Variants in BIRC6 observed in about 807,000 individuals in gnomAD.
The protein encoded by BIRC6 is dual E2 ubiquitin-conjugating enzyme/E3 ubiquitin-protein ligase BIRC6.
A neutral mutation model predicts 503.3 loss-of-function variants in BIRC6; 98 were observed. That is an observed-to-expected ratio of 0.19 (90% CI 0.17 to 0.23). The LOEUF (loss-of-function observed/expected upper bound fraction) is 0.23, where lower values mean the gene tolerates loss of function less well. Among genes scored for constraint, BIRC6 ranks in the 10% least tolerant of loss-of-function variants. The pLI is 1.00. For missense variants in BIRC6, 5,360 were observed against 5,806.0 expected, an observed-to-expected ratio of 0.92 and a Z score of 2.50; for synonymous variants, 2,240 against 2,078.7, an observed-to-expected ratio of 1.08 and a Z score of -2.11.
chr2:32,468,303 A>T, intron 28 of BIRC6, 134 bp from the exon 29 acceptor site: 1 of 948,540 alleles, frequency 1.1e-6, no homozygotes, highest in Non-Finnish European at 1.5e-6. Flanking sequence ...TCCATTTATT[A>T]GTACCTATCA....
chr2:32,373,733 T>A (rs896688685), intron 1 of BIRC6, among the ~76,000 whole-genome samples: 3 of 152,192 alleles, frequency 2.0e-5, no homozygotes, highest in African/African-American at 7.2e-5. Context: ...CTGTTCTGTT[T>A]CTGGGTGTGT....
At chr2:32,610,408 C>T (rs1167276762) in intron 72 of BIRC6, among the ~76,000 whole-genome samples, 1 of 152,142 alleles carries the variant, frequency 6.6e-6, no homozygotes, top group African/African-American at 2.4e-5. Flanking sequence ...ATGTAAATCA[C>T]AGTAATAATA....
intron 53 of BIRC6, among the ~76,000 whole-genome samples, chr2:32,512,338 G>A (rs913910244): frequency 1.3e-5 from 2 of 152,104 alleles, no homozygotes; most frequent in African/African-American, 2.4e-5. Flanking sequence ...AAAGTCTTTC[G>A]CTCCCAGGTT....
Position 32,415,541 on chromosome 2 carries a change from G to A in BIRC6, c.2250G>A (p.Arg750=), listed in dbSNP as rs1254867254. The part of the protein sequence containing the change: ...ADGIHLLVGL[R]TCPVESLSAI... ...GAATTCATTTGTTGGTAGGACTGCG[G>A]ACATGCCCTGTTGAATCCTTGAGTG... The change falls in exon 10 of 74, where the codon CGG becomes CGA. Residue 750 remains arginine, a synonymous_variant. Coordinates refer to ENST00000421745, the MANE Select transcript of BIRC6 (RefSeq NM_016252.4). 3 of 1,614,018 alleles carry A rather than the reference G, an allele frequency of 1.9e-6. No homozygotes were observed. The highest frequency in any genetic ancestry group is 4.5e-5 in the East Asian group (2 of 44,890).
chr2:32,380,426 A>C (rs2037454207), intron 3 of BIRC6, 136 bp downstream of exon 3: 1 of 1,232,714 alleles, frequency 8.1e-7, no homozygotes, highest in Non-Finnish European at 1.1e-6. Context: ...TGTGCTTATA[A>C]GTCATCTTAA....
intron 52 of BIRC6, 54 bp from the exon 53 acceptor site, chr2:32,510,472 C>G: frequency 9.8e-7 from 1 of 1,019,266 alleles, no homozygotes; most frequent in Non-Finnish European, 1.5e-6. Flanking sequence ...GTAAATCTTC[C>G]CATGGTTAAC....
rs2049898206 is a variant in BIRC6 at position 32,477,491 on chromosome 2, G to A, written c.6976G>A (p.Glu2326Lys). 2 of 1,613,986 alleles carry A rather than the reference G, an allele frequency of 1.2e-6. No homozygotes were observed. Among genetic ancestry groups the A allele is most frequent in the South Asian group, 2.2e-5 (2 of 91,076 alleles). Residue 2326 changes from glutamate (E) to lysine (K), a missense_variant, in exon 35 of 74, where the codon GAG becomes AAG. By Grantham distance (56) the Glu-to-Lys change is moderately conservative. Coordinates refer to ENST00000421745, the MANE Select transcript of BIRC6 (RefSeq NM_016252.4). The part of the protein sequence containing the change: ...IEPLPFTLAH[E>K]RCISVVQKLV... Reference sequence around the variant, plus strand: ...ACCACTTCCATTTACTCTGGCCCATGAGCGTTGTATCTCAGTAGTCCAGAA... The same window carrying A: ...ACCACTTCCATTTACTCTGGCCCATAAGCGTTGTATCTCAGTAGTCCAGAA...
intron 65 of BIRC6, chr2:32,574,673 GGT>G (rs1366091411): frequency 1.2e-5 from 2 of 168,044 alleles, no homozygotes; most frequent in Non-Finnish European, 2.6e-5. Flanking sequence ...TGATGAGGTT[GGT>G]CTTGCTGTCT....
chr2:32,618,065 C>A lies in BIRC6; in HGVS notation c.*161C>A. 2 of 724,556 alleles carry A rather than the reference C, an allele frequency of 2.8e-6. No homozygotes were observed. Among genetic ancestry groups the A allele is most frequent in the Non-Finnish European group, 4.3e-6 (2 of 468,232 alleles). 44.9% of individuals were successfully genotyped at this position (724,556 alleles called of 1,614,324 possible). A position where few individuals can be genotyped will look rare whatever the true frequency, so the allele number is the denominator to read the frequency against. Reference sequence around the variant, plus strand: ...TTAATTCAAGGTGATCTTTTATTTACCTGTACAGGAGTGTAAACTTTTTTG... The same window carrying A: ...TTAATTCAAGGTGATCTTTTATTTAACTGTACAGGAGTGTAAACTTTTTTG... On this transcript the variant is annotated 3_prime_UTR_variant, in exon 74 of 74. Coordinates refer to ENST00000421745, the MANE Select transcript of BIRC6 (RefSeq NM_016252.4).
chr2:32,610,397 A>C (rs534921892), intron 72 of BIRC6, among the ~76,000 whole-genome samples: 1 of 152,366 alleles, frequency 6.6e-6, no homozygotes, highest in South Asian at 2.1e-4. Context: ...AAAAATCGCA[A>C]ATGTAAATCA....
chr2:32,491,642 C>G, intron 44 of BIRC6, 84 bp downstream of exon 44: 1 of 1,382,352 alleles, frequency 7.2e-7, no homozygotes, highest in Non-Finnish European at 9.8e-7. Context: ...TTTTTTATTG[C>G]TAAAGTATTA....
intron 65 of BIRC6, among the ~76,000 whole-genome samples, chr2:32,570,823 G>C (rs1372834187): frequency 1.3e-5 from 2 of 151,878 alleles, no homozygotes; most frequent in Non-Finnish European, 2.9e-5. Flanking sequence ...TAAGGGTTGA[G>C]GTCTTGCTCT....
At chr2:32,481,214 C>A in intron 37 of BIRC6, 106 bp from the exon 38 acceptor site, 2 of 942,604 alleles carry the variant, frequency 2.1e-6, no homozygotes, top group Admixed American at 2.9e-5. Flanking sequence ...TTTTTTTAGG[C>A]ATATGTAACA....
intron 23 of BIRC6, among the ~76,000 whole-genome samples, chr2:32,458,897 C>T (rs912941639): frequency 2.0e-5 from 3 of 151,788 alleles, no homozygotes; most frequent in Non-Finnish European, 4.4e-5. Flanking sequence ...GCCATGTTGG[C>T]TCAGCTGGTC....
intron 3 of BIRC6, 96 bp from the exon 4 acceptor site, chr2:32,388,654 C>G: frequency 7.2e-6 from 6 of 836,000 alleles, no homozygotes; most frequent in Non-Finnish European, 1.0e-5. Flanking sequence ...TGACTTGAAA[C>G]TGATGAGTGT....
intron 8 of BIRC6, among the ~76,000 whole-genome samples, chr2:32,402,254 G>A (rs751139247): frequency 7.2e-5 from 11 of 152,158 alleles, no homozygotes; most frequent in Non-Finnish European, 1.5e-4. Flanking sequence ...TCACCCACTT[G>A]TTTCCTAAGA....
chr2:32,416,497 C>T (rs2150034955), intron 10 of BIRC6, among the ~76,000 whole-genome samples: 2 of 151,340 alleles, frequency 1.3e-5, no homozygotes, highest in South Asian at 4.2e-4. Context: ...TTCATTAAAC[C>T]TGTTTTTATT....
At chr2:32,411,417 A>ATT (rs977037711) in intron 9 of BIRC6, among the ~76,000 whole-genome samples, 2 of 122,120 alleles carry the variant, frequency 1.6e-5, no homozygotes, top group Admixed American at 8.0e-5. Context: ...ATATATATAT[A>ATT]TTTTATTTTT....
chr2:32,374,940 A>G (rs1356900585), intron 1 of BIRC6, among the ~76,000 whole-genome samples: 15 of 152,108 alleles, frequency 9.9e-5, no homozygotes. Flanking sequence ...TTAAATCTGT[A>G]GATCCATTTG....
Sources: gnomAD v4.1 joint callset for allele counts (sites outside exome capture counted in the v4.1 genomes callset) on GRCh38, gnomAD v4.1.1 for gene constraint, MANE v1.5 for transcripts, NCBI Gene and HGNC (gene_info 2026-07-23, HGNC 2026-07-21) for gene names.